CCSER2: variants seen among roughly 807,000 people sequenced by gnomAD.
CCSER2 encodes the protein coiled-coil serine rich protein 2.
A neutral mutation model predicts 92.3 loss-of-function variants in CCSER2; 46 were observed. The observed-to-expected ratio is 0.50, with a 90% CI of 0.39 to 0.64. The LOEUF (loss-of-function observed/expected upper bound fraction) is 0.64. CCSER2 is among the 30% of genes least tolerant of loss of function. The probability of loss-of-function intolerance (pLI) is 0.00; values close to 1 mark genes in which losing one functional copy is unlikely to be tolerated. For missense variants in CCSER2, 1,244 were observed against 1,238.9 expected (o/e 1.00, Z -0.06); for synonymous variants, 433 against 431.4 (o/e 1.00, Z -0.04).
At chr10:84,349,793 C>T (rs952074983) in intron 1 of CCSER2, among the ~76,000 whole-genome samples, 1 of 152,168 alleles carries the variant, frequency 6.6e-6, no homozygotes, top group Non-Finnish European at 1.5e-5. Context: ...CTGATTTTTT[C>T]CTGCTTCTAC....
At chr10:84,364,422 G>C (rs1178924490) in intron 1 of CCSER2, among the ~76,000 whole-genome samples, 1 of 152,142 alleles carries the variant, frequency 6.6e-6, no homozygotes, top group Non-Finnish European at 1.5e-5. Context: ...TTGTCATGAA[G>C]GCAGTTTTCA....
chr10:84,363,764 C>T (rs1244502675), intron 1 of CCSER2, among the ~76,000 whole-genome samples: 2 of 152,160 alleles, frequency 1.3e-5, no homozygotes, highest in African/African-American at 4.8e-5. Flanking sequence ...TCAGTCCCTT[C>T]CTTCATTCTT....
At chr10:84,332,436 A>ATATATTTTTTTTT (rs1401635246) in intron 1 of CCSER2, among the ~76,000 whole-genome samples, 1 of 55,212 alleles carries the variant, frequency 1.8e-5, no homozygotes, top group African/African-American at 1.1e-4. Context: ...ATATATATAT[A>ATATATTTTTTTTT]TTTTTTTTTT....
chr10:84,482,326 G>T (rs1847506500), intron 9 of CCSER2, among the ~76,000 whole-genome samples: 1 of 152,148 alleles, frequency 6.6e-6, no homozygotes, highest in Admixed American at 6.5e-5. Context: ...TAACAATATG[G>T]AAGATGCCTA....
At position 84,468,945 on chromosome 10, in the gene CCSER2, T is replaced by A. The variant is rs138836700; in HGVS notation, c.2149-1427T>A. ...TTAATTACATTGGGTATTTCACCACTAACTTAATATTTATAAAACAATACT... is the reference window on the plus strand; with the variant it reads ...TTAATTACATTGGGTATTTCACCACAAACTTAATATTTATAAAACAATACT... On this transcript the variant is annotated intron_variant, in intron 7 of 9. Transcript: ENST00000372088. Among the ~76,000 whole-genome samples the A allele has an allele frequency of 3.7e-3, 569 of 152,326 alleles. 1 individual carries two copies. The highest frequency in any genetic ancestry group is 6.6e-3 in the Non-Finnish European group (449 of 68,014).
At chr10:84,462,393 GGAA>G (rs534708563) in intron 6 of CCSER2, among the ~76,000 whole-genome samples, 7 of 152,194 alleles carry the variant, frequency 4.6e-5, no homozygotes, top group South Asian at 2.1e-4. Context: ...ATTGCAGTTG[GGAA>G]GAAGACATTT....
rs1451431890 is a variant in CCSER2, at chr10:84,457,466, A to T, written c.2065-6467A>T. Among the ~76,000 whole-genome samples, 228 of 112,274 alleles carry T rather than the reference A, an allele frequency of 2.0e-3. 1 individual carries two copies. The highest frequency in any genetic ancestry group is 8.5e-3 in the Middle Eastern group (2 of 236). The allele number at this position is 112,274 out of a possible 152,430, so 73.7% of individuals were successfully genotyped here. A position where few individuals can be genotyped will look rare whatever the true frequency, so the allele number is the denominator to read the frequency against. ...AAATACATATTATAAAATATATAAT[A>T]TATATATAAAAGACATGGACTGGAA... On this transcript the variant is annotated intron_variant, in intron 6 of 9. Transcript: ENST00000372088.
chr10:84,338,500 G>A (rs1041853667), intron 1 of CCSER2, among the ~76,000 whole-genome samples: 5 of 152,036 alleles, frequency 3.3e-5, no homozygotes, highest in African/African-American at 1.2e-4. Flanking sequence ...AAAAAATGCA[G>A]GATCTACGTC....
chr10:84,423,966 G>T (rs968521994), intron 4 of CCSER2, among the ~76,000 whole-genome samples: 2 of 133,062 alleles, frequency 1.5e-5, no homozygotes, highest in Non-Finnish European at 3.1e-5. Flanking sequence ...GGCCAGCATA[G>T]CAAGTCCCCA....
intron 9 of CCSER2, among the ~76,000 whole-genome samples, chr10:84,505,129 T>TTA (rs556889307): frequency 3.3e-5 from 5 of 152,174 alleles, no homozygotes; most frequent in African/African-American, 7.2e-5. Flanking sequence ...TAGTATCATT[T>TTA]TATATATATA....
At chr10:84,499,974 C>G (rs772353752) in intron 9 of CCSER2, 3 of 1,613,974 alleles carry the variant, frequency 1.9e-6, no homozygotes, top group Non-Finnish European at 1.7e-6. Context: ...GTCTGTGTCT[C>G]TCACTCCTAT....
At chr10:84,387,428 CT>C (rs1332820941) in intron 3 of CCSER2, among the ~76,000 whole-genome samples, 2 of 152,194 alleles carry the variant, frequency 1.3e-5, no homozygotes, top group Non-Finnish European at 1.5e-5. Flanking sequence ...TTACTCCTTT[CT>C]TCGTACGTCT....
intron 4 of CCSER2, among the ~76,000 whole-genome samples, chr10:84,419,873 A>G (rs1843053771): frequency 6.6e-6 from 1 of 152,232 alleles, no homozygotes; most frequent in African/African-American, 2.4e-5. Context: ...CATCACTGCT[A>G]TTGAATCTGA....
At position 84,450,819 on chromosome 10, in the gene CCSER2, AAAT is replaced by A. The variant is rs1845234388; in HGVS notation, c.2064+12116_2064+12118del. On this transcript the variant is annotated intron_variant, in intron 6 of 9. Coordinates refer to ENST00000372088, the MANE Select transcript of CCSER2 (RefSeq NM_001284240.2). The stretch of plus-strand genomic sequence containing the variant: ...TAGGGGAATATACATGTATTAAATT[AAAT>A]AATTATGAGAATGATGTGTTGCAAA... 4.6e-5 allele frequency among the ~76,000 whole-genome samples: 7 copies of A among 152,224 alleles called. 1 individual carries two copies. The South Asian group carries it at 1.4e-3, about 31-fold the overall frequency.
intron 8 of CCSER2, among the ~76,000 whole-genome samples, chr10:84,472,640 T>C (rs979731264): frequency 5.9e-5 from 9 of 152,070 alleles, no homozygotes; most frequent in African/African-American, 2.2e-4. Flanking sequence ...AGGATTGCAA[T>C]AGTAAAATTA....
At chr10:84,492,771 A>G (rs1276726513) in intron 9 of CCSER2, among the ~76,000 whole-genome samples, 2 of 152,178 alleles carry the variant, frequency 1.3e-5, no homozygotes, top group Non-Finnish European at 2.9e-5. Context: ...TGATTTTCTA[A>G]TAGTAAACTA....
At chr10:84,396,602 A>G (rs534567029) in intron 3 of CCSER2, among the ~76,000 whole-genome samples, 4 of 151,816 alleles carry the variant, frequency 2.6e-5, no homozygotes, top group Non-Finnish European at 5.9e-5. Flanking sequence ...CTTCATAGAG[A>G]TCTTCCCTTT....
At chr10:84,418,426 A>T (rs895482698) in intron 4 of CCSER2, among the ~76,000 whole-genome samples, 16 of 152,010 alleles carry the variant, frequency 1.1e-4, no homozygotes, top group African/African-American at 3.4e-4. Context: ...CACTTGTAGG[A>T]TTTTTTTTAT....
At chr10:84,416,157 A>C (rs1311066616) in intron 3 of CCSER2, among the ~76,000 whole-genome samples, 1 of 152,178 alleles carries the variant, frequency 6.6e-6, no homozygotes, top group Non-Finnish European at 1.5e-5. Context: ...GGGATTGCAC[A>C]ATCACTCACC....
Sources: gnomAD v4.1 joint callset for allele counts (sites outside exome capture counted in the v4.1 genomes callset) on GRCh38, gnomAD v4.1.1 for gene constraint, MANE v1.5 for transcripts, NCBI Gene and HGNC (gene_info 2026-07-23, HGNC 2026-07-21) for gene names.